The following MCTP1 variants were observed in gnomAD, a reference collection of about 807,000 sequenced individuals.
MCTP1 encodes multiple C2 and transmembrane domain containing 1.
MCTP1 carries 69 observed loss-of-function variants against 120.6 expected under a neutral mutation model. The ratio of observed to expected loss-of-function variants is 0.57; its 90% CI spans 0.47 to 0.70. MCTP1 has a LOEUF of 0.70. Ranked by LOEUF, MCTP1 falls within the 30% of genes least tolerant of loss-of-function variation. The probability of loss-of-function intolerance (pLI) is 0.00; values close to 1 mark genes in which losing one functional copy is unlikely to be tolerated. For missense variants in MCTP1, 1,203 were observed against 1,248.8 expected (o/e 0.96, Z 0.55); for synonymous variants, 529 against 493.1 (o/e 1.07, Z -0.96).
intron 2 of MCTP1, among the ~76,000 whole-genome samples, chr5:95,007,371 G>A (rs62364698): frequency 0.15 from 23,303 of 152,082 alleles, 1,977 homozygotes; most frequent in East Asian, 0.31. Flanking sequence ...ATAGCAAACC[G>A]TGAGCACATG....
intron 19 of MCTP1, among the ~76,000 whole-genome samples, chr5:94,755,501 CA>C (rs2152822624): frequency 6.6e-6 from 1 of 152,318 alleles, no homozygotes; most frequent in African/African-American, 2.4e-5. Context: ...CTGCTCTCAC[CA>C]CACTAGGGAA....
intron 17 of MCTP1, among the ~76,000 whole-genome samples, chr5:94,859,651 T>G (rs1023602917): frequency 1.3e-4 from 20 of 151,744 alleles, no homozygotes; most frequent in Non-Finnish European, 1.0e-4. Context: ...TGACACTCTT[T>G]AAGTTTTCAA....
At chr5:94,947,597 G>T (rs866617450) in intron 3 of MCTP1, among the ~76,000 whole-genome samples, 1,150 of 89,898 alleles carry the variant, frequency 0.013, 32 homozygotes, top group East Asian at 0.036. Context: ...GAGAGAGAGA[G>T]AGAGAGAGAG....
At chr5:95,126,108 TG>T (rs1210202404) in intron 1 of MCTP1, among the ~76,000 whole-genome samples, 3 of 152,142 alleles carry the variant, frequency 2.0e-5, no homozygotes, top group Non-Finnish European at 4.4e-5. Flanking sequence ...GCTAGAGCTA[TG>T]GGGGGAGAAA....
chr5:94,981,433 T>G (rs776901713), intron 2 of MCTP1, among the ~76,000 whole-genome samples: 25 of 152,216 alleles, frequency 1.6e-4, no homozygotes, highest in Non-Finnish European at 2.9e-4. Context: ...AGTATGATTT[T>G]CCTTTCCTGA....
intron 2 of MCTP1, among the ~76,000 whole-genome samples, chr5:94,992,751 C>G (rs1272206136): frequency 6.6e-6 from 1 of 152,144 alleles, no homozygotes; most frequent in African/African-American, 2.4e-5. Context: ...CCCAGAGGCC[C>G]TCTTAATTCA....
At chr5:95,212,296 T>A (rs186835538) in intron 1 of MCTP1, among the ~76,000 whole-genome samples, 49 of 152,154 alleles carry the variant, frequency 3.2e-4, no homozygotes, top group African/African-American at 1.1e-3. Context: ...ACATACCCTC[T>A]CCCAAGACTA....
At chr5:94,936,468 A>G (rs1052362541) in intron 5 of MCTP1, among the ~76,000 whole-genome samples, 7 of 152,098 alleles carry the variant, frequency 4.6e-5, no homozygotes, top group Admixed American at 1.3e-4. Flanking sequence ...GTGAGGGAAC[A>G]TACATTGCTT....
rs1211529200 is a variant in MCTP1 at position 94,912,466 on chromosome 5, A to AAAAAAAAAAAAAAAAAAAG, written c.1521+339_1521+340insCTTTTTTTTTTTTTTTTTT. On this transcript the variant is annotated intron_variant, in intron 9 of 22. Coordinates refer to ENST00000515393, the MANE Select transcript of MCTP1 (RefSeq NM_024717.7). ...AAAAAAAAAAAAAAAAAAAAAAAAA[A>AAAAAAAAAAAAAAAAAAAG]GCCGCACTCTGAGTACTTTATGTGC... 7.3e-4 allele frequency among the ~76,000 whole-genome samples: 67 copies of AAAAAAAAAAAAAAAAAAAG among 92,094 alleles called. 15 individuals carry two copies. Among genetic ancestry groups the AAAAAAAAAAAAAAAAAAAG allele is most frequent in the Non-Finnish European group, 1.0e-3 (44 of 42,806 alleles). 60.4% of individuals were successfully genotyped at this position (92,094 alleles called of 152,430 possible).
chr5:94,884,205 T>C (rs945332719), intron 12 of MCTP1, among the ~76,000 whole-genome samples: 15 of 152,212 alleles, frequency 9.9e-5, no homozygotes, highest in African/African-American at 3.4e-4. Context: ...GTGTTAAAAT[T>C]CATTTCATGC....
intron 1 of MCTP1, among the ~76,000 whole-genome samples, chr5:95,230,699 CT>C (rs1754834979): frequency 6.6e-6 from 1 of 152,112 alleles, no homozygotes; most frequent in Non-Finnish European, 1.5e-5. Context: ...GTTTAGCGTT[CT>C]GATAATGGAA....
At chr5:94,971,286 G>A (rs1167045940) in intron 2 of MCTP1, among the ~76,000 whole-genome samples, 1 of 151,668 alleles carries the variant, frequency 6.6e-6, no homozygotes, top group Non-Finnish European at 1.5e-5. Flanking sequence ...ACCAAAACCT[G>A]TTTCATTAAT....
intron 4 of MCTP1, among the ~76,000 whole-genome samples, chr5:94,940,599 C>T (rs907602949): frequency 2.1e-5 from 3 of 143,914 alleles, no homozygotes; most frequent in African/African-American, 7.6e-5. Context: ...TATATATATA[C>T]ACATATACAT....
chr5:95,157,861 A>T (rs1745297160), intron 1 of MCTP1, among the ~76,000 whole-genome samples: 1 of 152,114 alleles, frequency 6.6e-6, no homozygotes, highest in Non-Finnish European at 1.5e-5. Context: ...TTTATTGTTT[A>T]TGGCTGTTTT....
intron 7 of MCTP1, among the ~76,000 whole-genome samples, chr5:94,919,702 C>CA (rs1811054453): frequency 6.6e-6 from 1 of 152,148 alleles, no homozygotes; most frequent in Admixed American, 6.5e-5. Flanking sequence ...TTTTGTGCTG[C>CA]AAAGACGAGT....
chr5:94,881,358 T>C (rs1800032298), intron 12 of MCTP1, among the ~76,000 whole-genome samples: 1 of 152,134 alleles, frequency 6.6e-6, no homozygotes, highest in South Asian at 2.1e-4. Context: ...TGTGATTTAG[T>C]TAATATTTTA....
At chr5:94,826,916 C>G (rs561922617) in intron 17 of MCTP1, among the ~76,000 whole-genome samples, 1 of 150,954 alleles carries the variant, frequency 6.6e-6, no homozygotes, top group Non-Finnish European at 1.5e-5. Context: ...GGTCTTGAAT[C>G]TTGATCCAAT....
intron 19 of MCTP1, among the ~76,000 whole-genome samples, chr5:94,723,590 A>G (rs1042679996): frequency 6.6e-6 from 1 of 151,890 alleles, no homozygotes; most frequent in African/African-American, 2.4e-5. Context: ...TTTTTGCAGA[A>G]TGAGTCTTTA....
intron 17 of MCTP1, among the ~76,000 whole-genome samples, chr5:94,814,185 C>T (rs150192941): frequency 1.4e-3 from 216 of 152,242 alleles, no homozygotes; most frequent in African/African-American, 4.7e-3. Flanking sequence ...AAAATTTCAC[C>T]TGTTCTTTAT....
Sources: allele counts gnomAD v4.1 joint callset (sites outside exome capture counted in the v4.1 genomes callset), GRCh38; gene constraint gnomAD v4.1.1; transcripts MANE v1.5; gene names NCBI Gene and HGNC (gene_info 2026-07-23, HGNC 2026-07-21).